SLC12A8: variants seen among roughly 807,000 people sequenced by gnomAD.
The protein encoded by SLC12A8 is cation-chloride cotransporter 9.
A neutral mutation model predicts 75.6 loss-of-function variants in SLC12A8; 69 were observed. The ratio of observed to expected loss-of-function variants is 0.91; its 90% CI spans 0.75 to 1.11. The LOEUF is 1.11. Among genes scored for constraint, SLC12A8 ranks in the 50% most tolerant of loss-of-function variants. SLC12A8 has a pLI of 0.00. For missense variants in SLC12A8, 877 were observed against 896.7 expected, an observed-to-expected ratio of 0.98 and a Z score of 0.28; for synonymous variants, 365 against 372.8, an observed-to-expected ratio of 0.98 and a Z score of 0.24.
chr3:125,110,278 A>T lies in SLC12A8; in HGVS notation c.970T>A (p.Cys324Ser). The part of the protein sequence containing the change: ...LGLYISSLAS[C>S]MGGLYGAPRI... ...GGAGCTCCATAAAGTCCTCCCATGC[A>T]GGAAGCCAGGGACGAGATGTATAAG... The change falls in exon 9 of 14, where the codon TGC becomes AGC. Residue 324 changes from cysteine (C) to serine (S), a missense_variant. Coordinates refer to ENST00000469902, the MANE Select transcript of SLC12A8 (RefSeq NM_024628.6). The T allele has an allele frequency of 6.2e-7, 1 of 1,614,056 alleles. No homozygotes were observed. Among genetic ancestry groups the T allele is most frequent in the Non-Finnish European group, 8.5e-7 (1 of 1,179,944 alleles).
At chr3:125,086,891 C>A (rs9818560) in intron 13 of SLC12A8, among the ~76,000 whole-genome samples, 6,012 of 152,180 alleles carry the variant, frequency 0.04, 170 homozygotes, top group East Asian at 0.088. Flanking sequence ...AGCTCCAGCA[C>A]GAAGGCTTTA....
intron 5 of SLC12A8, among the ~76,000 whole-genome samples, chr3:125,146,501 G>A (rs1308468473): frequency 5.3e-5 from 8 of 152,156 alleles, no homozygotes; most frequent in African/African-American, 1.9e-4. Flanking sequence ...AAAACCTCAA[G>A]CCATTTCTTT....
intron 2 of SLC12A8, among the ~76,000 whole-genome samples, chr3:125,199,756 A>G (rs1211066224): frequency 1.3e-5 from 2 of 152,114 alleles, no homozygotes; most frequent in Non-Finnish European, 2.9e-5. Context: ...AAAAAAAAAT[A>G]AAATAAAATA....
chr3:125,101,140 C>T (rs1373073620), intron 10 of SLC12A8, among the ~76,000 whole-genome samples: 2 of 151,888 alleles, frequency 1.3e-5, no homozygotes, highest in African/African-American at 4.8e-5. Context: ...TGGTTAAGAG[C>T]ACAGGTTTGA....
intron 5 of SLC12A8, among the ~76,000 whole-genome samples, chr3:125,156,083 C>T (rs28986274): frequency 0.15 from 22,958 of 152,190 alleles, 2,019 homozygotes; most frequent in East Asian, 0.21. Context: ...AGACCCCAGC[C>T]GGCTGCCTCA....
Position 125,107,505 on chromosome 3 carries a change from T to G in SLC12A8, c.1681A>C (p.Asn561His). The change falls in exon 10 of 14, where the codon AAC becomes CAC. Residue 561 changes from asparagine (N) to histidine (H), a missense_variant. By Grantham distance (68) the Asn-to-His change is moderately conservative. Coordinates refer to ENST00000469902, the MANE Select transcript of SLC12A8 (RefSeq NM_024628.6). Reference protein sequence around the residue: ...YGEQLVPELCNQSESSGEDFF... With the variant: ...YGEQLVPELCHQSESSGEDFF... ...CCTTCTCCACTGGACTCTGATTGGT[T>G]GCACAGCTCAGGAACAAGTTGCTCT... 1 of 1,611,044 alleles carries G rather than the reference T, an allele frequency of 6.2e-7. No individual in the cohort carries two copies. Among genetic ancestry groups the G allele is most frequent in the South Asian group, 1.1e-5 (1 of 91,016 alleles).
chr3:125,199,545 C>A (rs755617051), intron 2 of SLC12A8, among the ~76,000 whole-genome samples: 15 of 151,068 alleles, frequency 9.9e-5, no homozygotes, highest in Non-Finnish European at 2.1e-4. Context: ...AGTTTGAGAC[C>A]AGCCTGGGCA....
chr3:125,109,249 G>A (rs1175832153), intron 9 of SLC12A8, among the ~76,000 whole-genome samples: 1 of 152,132 alleles, frequency 6.6e-6, no homozygotes, highest in East Asian at 1.9e-4. Flanking sequence ...CTCCCTTGGT[G>A]AGCTCAACTA....
chr3:125,127,529 G>A (rs950199257), intron 6 of SLC12A8, among the ~76,000 whole-genome samples: 1 of 152,180 alleles, frequency 6.6e-6, no homozygotes, highest in Non-Finnish European at 1.5e-5. Context: ...GGAGGATCTA[G>A]GTTCCATGCG....
At chr3:125,086,283 T>C (rs1938460128) in intron 13 of SLC12A8, among the ~76,000 whole-genome samples, 1 of 152,134 alleles carries the variant, frequency 6.6e-6, no homozygotes, top group Admixed American at 6.5e-5. Context: ...AGGCCTCTGC[T>C]CCCCACCTCA....
intron 5 of SLC12A8, among the ~76,000 whole-genome samples, chr3:125,161,834 C>A (rs958382636): frequency 2.0e-5 from 3 of 152,252 alleles, no homozygotes; most frequent in Non-Finnish European, 4.4e-5. Context: ...CGGCCGCACT[C>A]TTTTGTCCAG....
intron 5 of SLC12A8, among the ~76,000 whole-genome samples, chr3:125,137,977 T>C (rs1370119536): frequency 6.6e-6 from 1 of 151,758 alleles, no homozygotes; most frequent in African/African-American, 2.4e-5. Context: ...ACACTCACAC[T>C]ACTGCTGGCC....
rs2107726280 is a variant in SLC12A8, at chr3:125,082,801, TGTC to T, written c.*1086_*1088del. 6.6e-6 allele frequency: 1 copy of T among 152,228 alleles called. No homozygotes were observed. Among genetic ancestry groups the T allele is most frequent in the East Asian group, 1.9e-4 (1 of 5,202 alleles). The allele number at this position is 152,228 out of a possible 1,614,324, so 9.4% of individuals were successfully genotyped here. On this transcript the variant is annotated 3_prime_UTR_variant, in exon 14 of 14. Transcript: ENST00000469902. ...CAAGATTATTCACTGCAGAGCTGAT[TGTC>T]ATTGCAAAAGATTGGAAAGAATCCA...
intron 6 of SLC12A8, among the ~76,000 whole-genome samples, chr3:125,124,244 C>A (rs1933138460): frequency 6.6e-6 from 1 of 152,192 alleles, no homozygotes. Context: ...GGACTGCAGA[C>A]AAGAAGTCTC....
At chr3:125,199,576 T>C (rs1935079935) in intron 2 of SLC12A8, among the ~76,000 whole-genome samples, 1 of 136,570 alleles carries the variant, frequency 7.3e-6, no homozygotes, top group African/African-American at 2.7e-5. Flanking sequence ...ACCCCTTCTC[T>C]AGAAGAAGGA....
chr3:125,178,550 A>G (rs1233898395), intron 4 of SLC12A8, among the ~76,000 whole-genome samples: 1 of 152,220 alleles, frequency 6.6e-6, no homozygotes, highest in African/African-American at 2.4e-5. Context: ...GCTGTTGATT[A>G]AATGCATTAT....
intron 6 of SLC12A8, among the ~76,000 whole-genome samples, chr3:125,126,609 A>T (rs1933215378): frequency 1.3e-5 from 2 of 152,158 alleles, no homozygotes; most frequent in African/African-American, 4.8e-5. Flanking sequence ...TGTTCCTGAA[A>T]ATGAAGATTA....
At chr3:125,198,281 AG>A (rs1935044372) in intron 2 of SLC12A8, among the ~76,000 whole-genome samples, 1 of 150,032 alleles carries the variant, frequency 6.7e-6, no homozygotes, top group South Asian at 2.1e-4. Flanking sequence ...AAAACAGTCA[AG>A]GTCATAAAAG....
At chr3:125,106,461 C>A (rs1939027263) in intron 10 of SLC12A8, among the ~76,000 whole-genome samples, 1 of 150,810 alleles carries the variant, frequency 6.6e-6, no homozygotes, top group South Asian at 2.1e-4. Flanking sequence ...CTCCCAGGCT[C>A]AAGCAACTCT....
Sources: gnomAD v4.1 joint callset for allele counts (sites outside exome capture counted in the v4.1 genomes callset) on GRCh38, gnomAD v4.1.1 for gene constraint, MANE v1.5 for transcripts, NCBI Gene and HGNC (gene_info 2026-07-23, HGNC 2026-07-21) for gene names.